FRY: variants seen among roughly 807,000 people sequenced by gnomAD.
The protein encoded by FRY is protein furry homolog.
FRY carries 128 observed loss-of-function variants against 348.4 expected under a neutral mutation model. The observed-to-expected ratio is 0.37, with a 90% CI of 0.32 to 0.43. The LOEUF is 0.43. Among genes scored for constraint, FRY ranks in the 20% least tolerant of loss-of-function variants. FRY has a pLI of 1.00. For missense variants in FRY, 2,736 were observed against 3,695.2 expected (o/e 0.74, Z 6.73); for synonymous variants, 1,370 against 1,374.7 (o/e 1.00, Z 0.08).
At chr13:32,140,209 C>T (rs1422077575) in intron 11 of FRY, among the ~76,000 whole-genome samples, 2 of 152,090 alleles carry the variant, frequency 1.3e-5, no homozygotes, top group Non-Finnish European at 1.5e-5. Context: ...GTAGAGGCTT[C>T]CTATACATTG....
At chr13:32,065,420 C>T (rs1465744931) in intron 1 of FRY, among the ~76,000 whole-genome samples, 1 of 151,674 alleles carries the variant, frequency 6.6e-6, no homozygotes, top group African/African-American at 2.4e-5. Flanking sequence ...GTTCTCATGC[C>T]TCAGCCTCCT....
chr13:32,227,322 T>A (rs1408800723), intron 39 of FRY, among the ~76,000 whole-genome samples: 1 of 152,220 alleles, frequency 6.6e-6, no homozygotes, highest in African/African-American at 2.4e-5. Context: ...ACAGAAATTA[T>A]TGTCTTGACT....
chr13:32,100,604 AT>A (rs1012529982), intron 2 of FRY, among the ~76,000 whole-genome samples: 7 of 152,094 alleles, frequency 4.6e-5, no homozygotes, highest in Non-Finnish European at 7.4e-5. Context: ...CATTACGTAA[AT>A]TTTTTTTGTG....
In FRY at chr13:32,231,867, C is replaced by T. The variant is rs115364705; in HGVS notation, c.5527+567C>T. On this transcript the variant is annotated intron_variant, in intron 41 of 60. Coordinates refer to ENST00000542859, the MANE Select transcript of FRY (RefSeq NM_023037.3). ...CTGATTTGTGTGTGAAACTTAAATC[C>T]GGTTTCTCAACATGTTGTAAAACCA... Among the ~76,000 whole-genome samples the T allele has an allele frequency of 6.1e-3, 926 of 152,264 alleles. 10 individuals carry two copies. Among genetic ancestry groups the T allele is most frequent in the African/African-American group, 0.021 (890 of 41,552 alleles).
At chr13:32,211,091 T>A in intron 34 of FRY, 57 bp downstream of exon 34, 1 of 1,472,226 alleles carries the variant, frequency 6.8e-7, no homozygotes, top group Non-Finnish European at 9.5e-7. Context: ...TTCCTTCATG[T>A]AGATTCCTGA....
intron 28 of FRY, among the ~76,000 whole-genome samples, chr13:32,190,055 A>G (rs1381473586): frequency 6.6e-6 from 1 of 152,042 alleles, no homozygotes; most frequent in Non-Finnish European, 1.5e-5. Context: ...TCTCAAAAAC[A>G]TGATCTCAGA....
chr13:32,292,169 G>A (rs1400246055), intron 59 of FRY: 2 of 296,414 alleles, frequency 6.7e-6, no homozygotes, highest in Non-Finnish European at 1.4e-5. Context: ...TTTTAGTGGA[G>A]ACGATGTTTC....
chr13:32,070,409 C>A (rs1874565895), intron 1 of FRY, among the ~76,000 whole-genome samples: 1 of 152,182 alleles, frequency 6.6e-6, no homozygotes, highest in African/African-American at 2.4e-5. Context: ...GATTGCCATT[C>A]TAACTGGCAT....
chr13:32,208,715 TG>T, intron 31 of FRY, 137 bp from the exon 32 acceptor site: 1 of 978,598 alleles, frequency 1.0e-6, no homozygotes, highest in Non-Finnish European at 1.6e-6. Flanking sequence ...TATCATTCTG[TG>T]GCCTTGGGGA....
intron 33 of FRY, among the ~76,000 whole-genome samples, chr13:32,210,357 A>G (rs1233982254): frequency 6.6e-6 from 1 of 152,252 alleles, no homozygotes; most frequent in African/African-American, 2.4e-5. Context: ...GCCTCACTGC[A>G]GCTTGCAGGG....
chr13:32,073,897 A>G (rs764988289), intron 1 of FRY, among the ~76,000 whole-genome samples: 1 of 152,156 alleles, frequency 6.6e-6, no homozygotes, highest in Non-Finnish European at 1.5e-5. Flanking sequence ...CTGAACTATG[A>G]GCTGTGGAGG....
chr13:32,060,952 G>A lies in FRY; in HGVS notation c.71-17882G>A, dbSNP rs1047015438. ...AGCACCTGACTAAAAATACACCTGG[G>A]GCCAAAAATATAAGGGCCCTGCATT... On this transcript the variant is annotated intron_variant, in intron 1 of 60. Transcript: ENST00000542859. The A allele has an allele frequency of 1.6e-5, 6 of 380,550 alleles. No homozygotes were observed. The Middle Eastern group carries it at 1.1e-3, about 73-fold the overall frequency. The allele number at this position is 380,550 out of a possible 1,614,324, so 23.6% of individuals were successfully genotyped here. A position where few individuals can be genotyped will look rare whatever the true frequency, so the allele number is the denominator to read the frequency against.
chr13:32,273,884 C>T (rs1393344331), intron 55 of FRY, among the ~76,000 whole-genome samples: 1 of 152,158 alleles, frequency 6.6e-6, no homozygotes, highest in Non-Finnish European at 1.5e-5. Context: ...AAAGATTATA[C>T]AGGCTGAGCA....
chr13:32,065,890 T>C (rs1467965169), intron 1 of FRY, among the ~76,000 whole-genome samples: 1 of 152,186 alleles, frequency 6.6e-6, no homozygotes, highest in Non-Finnish European at 1.5e-5. Flanking sequence ...AGGCATAAGA[T>C]AATGTGCCCA....
At chr13:32,130,877 A>G (rs1265074057) in intron 7 of FRY, among the ~76,000 whole-genome samples, 2 of 150,420 alleles carry the variant, frequency 1.3e-5, no homozygotes, top group Admixed American at 6.6e-5. Flanking sequence ...GTGCAATGGC[A>G]TGATCTCGGC....
intron 55 of FRY, among the ~76,000 whole-genome samples, chr13:32,273,709 T>G (rs1201437211): frequency 6.6e-6 from 1 of 152,190 alleles, no homozygotes; most frequent in Non-Finnish European, 1.5e-5. Flanking sequence ...CCGTGCTGTC[T>G]CAAGGAGCTC....
chr13:32,284,452 C>T (rs534806046), intron 58 of FRY, among the ~76,000 whole-genome samples: 4 of 152,282 alleles, frequency 2.6e-5, no homozygotes, highest in South Asian at 2.1e-4. Context: ...TCAGTCTTTC[C>T]TCTGTAAGCC....
intron 2 of FRY, among the ~76,000 whole-genome samples, chr13:32,088,915 C>G (rs1876066210): frequency 6.6e-6 from 1 of 152,066 alleles, no homozygotes; most frequent in African/African-American, 2.4e-5. Context: ...ATGATATGTT[C>G]TTTGTACTAT....
rs2072048143 is a variant in FRY, at chr13:32,295,560, C to T, written c.*100C>T. The T allele has an allele frequency of 8.8e-7, 1 of 1,131,250 alleles. No homozygotes were observed. The highest frequency in any genetic ancestry group is 2.4e-5 in the East Asian group (1 of 42,488). The allele number at this position is 1,131,250 out of a possible 1,614,324, so 70.1% of individuals were successfully genotyped here. On this transcript the variant is annotated 3_prime_UTR_variant, in exon 61 of 61. Coordinates refer to ENST00000542859, the MANE Select transcript of FRY (RefSeq NM_023037.3). ...TCGGCCTTCAAAAGGCTTGGACAGA[C>T]TGTTCTCCCTCTTGTTACCTGTAGG...
Sources: gnomAD v4.1 joint callset for allele counts (sites outside exome capture counted in the v4.1 genomes callset) on GRCh38, gnomAD v4.1.1 for gene constraint, MANE v1.5 for transcripts, NCBI Gene and HGNC (gene_info 2026-07-23, HGNC 2026-07-21) for gene names.